Variants in NUP160 observed in about 807,000 individuals in gnomAD.
NUP160 encodes nucleoporin 160.
A neutral mutation model predicts 196.9 loss-of-function variants in NUP160; 94 were observed. That is an observed-to-expected ratio of 0.48 (90% CI 0.40 to 0.57). The LOEUF (loss-of-function observed/expected upper bound fraction) is 0.57. NUP160 is among the 20% of genes least tolerant of loss of function. The pLI is 0.00. For missense variants in NUP160, 1,638 were observed against 1,748.3 expected (o/e 0.94, Z 1.13); for synonymous variants, 605 against 619.7 (o/e 0.98, Z 0.35).
At chr11:47,803,471 T>G in exon 22 of NUP160, 1 of 1,611,708 alleles carries the variant, frequency 6.2e-7, no homozygotes, top group Admixed American at 1.7e-5. Context: ...GGTAACACCT[T>G]CCCAGCATAA....
intron 28 of NUP160, 124 bp downstream of exon 28, chr11:47,792,660 AAT>A: frequency 2.2e-6 from 2 of 899,620 alleles, no homozygotes; most frequent in Non-Finnish European, 3.3e-6. Context: ...TTTTTTCACA[AAT>A]ATCTCAGTAG....
intron 34 of NUP160, among the ~76,000 whole-genome samples, chr11:47,781,982 A>T (rs2097661121): frequency 6.6e-6 from 1 of 152,040 alleles, no homozygotes. Flanking sequence ...TAGCATGATA[A>T]TAAAAAGAAA....
At chr11:47,848,122 A>G in intron 1 of NUP160, 97 bp downstream of exon 1, 1 of 1,419,474 alleles carries the variant, frequency 7.0e-7, no homozygotes, top group Non-Finnish European at 1.0e-6. Flanking sequence ...AGGCATGTGG[A>G]CTCAGGAGGA....
intron 20 of NUP160, 63 bp from the exon 21 acceptor site, chr11:47,804,681 C>A: frequency 9.1e-7 from 1 of 1,104,426 alleles, no homozygotes; most frequent in Non-Finnish European, 1.3e-6. Context: ...ATACATTGGG[C>A]ATCAAATTCA....
rs868710847 is a variant in NUP160 at position 47,786,633 on chromosome 11, T to A, written c.3747-79A>T. ...TAATTTGATACTAAAACTAGAGAGA[T>A]AGATGACAACTTCATCTCTAGTCTT... On this transcript the variant is annotated intron_variant, in intron 31 of 35. Transcript: ENST00000378460. 3.5e-6 allele frequency: 3 copies of A among 854,494 alleles called. No homozygotes were observed. In the Middle Eastern group the frequency reaches 6.6e-4, roughly 188 times the overall value. 52.9% of individuals were successfully genotyped at this position (854,494 alleles called of 1,614,324 possible).
intron 11 of NUP160, among the ~76,000 whole-genome samples, chr11:47,816,496 T>A (rs1050456624): frequency 6.6e-6 from 1 of 152,196 alleles, no homozygotes; most frequent in African/African-American, 2.4e-5. Context: ...CTATGCAAGC[T>A]GGGTGTGGTG....
chr11:47,780,545 T>C (rs2097660098), intron 34 of NUP160, 98 bp from the exon 35 acceptor site: 5 of 595,194 alleles, frequency 8.4e-6, no homozygotes, highest in African/African-American at 5.7e-5. Flanking sequence ...ATACCCTTTT[T>C]TTTTTTTTTT....
At chr11:47,823,566 G>A (rs920772665) in intron 7 of NUP160, among the ~76,000 whole-genome samples, 7 of 151,668 alleles carry the variant, frequency 4.6e-5, no homozygotes, top group Admixed American at 1.3e-4. Context: ...AAGGAGCCTC[G>A]CTCTATCGCC....
chr11:47,792,222 T>C (rs925148634), intron 28 of NUP160: 1 of 437,834 alleles, frequency 2.3e-6, no homozygotes, highest in Non-Finnish European at 4.0e-6. Context: ...AGGGATTTGA[T>C]CTCCATGTAA....
chr11:47,806,089 C>T (rs1387214944), intron 20 of NUP160, 64 bp downstream of exon 20: 1 of 1,488,064 alleles, frequency 6.7e-7, no homozygotes, highest in Non-Finnish European at 9.4e-7. Flanking sequence ...GCTGGGATTA[C>T]AGGTGTGAGC....
chr11:47,836,439 A>G (rs1420905058), intron 6 of NUP160, among the ~76,000 whole-genome samples: 1 of 151,998 alleles, frequency 6.6e-6, no homozygotes, highest in African/African-American at 2.4e-5. Flanking sequence ...AACATGGCAA[A>G]ACCCTGTCTA....
chr11:47,826,560 T>TC (rs11326952), intron 7 of NUP160, among the ~76,000 whole-genome samples: 25,527 of 142,546 alleles, frequency 0.18, 2,400 homozygotes, highest in East Asian at 0.28. Context: ...GAGGTAAAAA[T>TC]CCCCCCCCCC....
chr11:47,847,712 T>TA, intron 2 of NUP160, 136 bp downstream of exon 2: 1 of 618,598 alleles, frequency 1.6e-6, no homozygotes, highest in Admixed American at 2.5e-5. Flanking sequence ...CCGATTCTGA[T>TA]ACGAACTGAA....
chr11:47,817,458 T>C (rs1233058558), intron 11 of NUP160, among the ~76,000 whole-genome samples: 2 of 151,880 alleles, frequency 1.3e-5, no homozygotes, highest in Non-Finnish European at 1.5e-5. Flanking sequence ...TTAATTCTTC[T>C]GCCTCAGCCT....
Position 47,848,352 on chromosome 11 carries a change from A to C in NUP160, c.69T>G (p.Leu23=), listed in dbSNP as rs1276444174. 2 of 1,612,446 alleles carry C rather than the reference A, an allele frequency of 1.2e-6. No individual in the cohort carries two copies. Among genetic ancestry groups the C allele is most frequent in the African/African-American group, 2.7e-5 (2 of 74,926 alleles). ...CGTCGCCGCGACGCCCAACGGAACA[A>C]AGGCAGGGCCGCGCGGTCGCCGTCA... Residue 23 remains leucine (L), a synonymous_variant, in exon 1 of 36, where the codon CTT becomes CTG. Transcript: ENST00000378460.
At chr11:47,837,762 T>C in intron 4 of NUP160, 139 bp from the exon 5 acceptor site, 1 of 619,082 alleles carries the variant, frequency 1.6e-6, no homozygotes, top group South Asian at 2.0e-5. Flanking sequence ...GATGTAACTT[T>C]CCTGCATATA....
chr11:47,797,308 G>A (rs1314488443), intron 27 of NUP160, among the ~76,000 whole-genome samples: 1 of 152,030 alleles, frequency 6.6e-6, no homozygotes, highest in Non-Finnish European at 1.5e-5. Flanking sequence ...TTGGCTCACT[G>A]TAACCTCCGC....
In NUP160 at chr11:47,839,824, G is replaced by C. The variant is rs759202161; in HGVS notation, c.748+19C>G. The C allele has an allele frequency of 1.3e-6, 2 of 1,575,688 alleles. No individual in the cohort carries two copies. Among genetic ancestry groups the C allele is most frequent in the South Asian group, 2.2e-5 (2 of 90,274 alleles). ...ATTCCTTGTTTAAAGTTAAATCCAT[G>C]CTCAGTTCCCATTCTTACCAGGTAT... On this transcript the variant is annotated intron_variant, in intron 4 of 35. Coordinates refer to ENST00000378460, the Ensembl canonical transcript of NUP160.
rs1453013313 is a variant in NUP160, at chr11:47,807,127, G to A, written c.2389C>T (p.Gln797Ter). 1 of 1,610,552 alleles carries A rather than the reference G, an allele frequency of 6.2e-7. No homozygotes were observed. The highest frequency in any genetic ancestry group is 1.7e-5 in the Admixed American group (1 of 59,922). The stretch of plus-strand genomic sequence containing the variant: ...GTTAATTCCAGTACTGATAAGTGTT[G>A]GAGATTAGACTCCCTGTGAGAAAAG... Residue 797 changes from glutamine to a stop codon, truncating the protein, a stop_gained, in exon 19 of 36, where the codon CAA becomes TAA. Transcript: ENST00000378460. LOFTEE classifies it high-confidence loss of function.
Sources: gnomAD v4.1 joint callset for allele counts (sites outside exome capture counted in the v4.1 genomes callset) on GRCh38, gnomAD v4.1.1 for gene constraint, MANE v1.5 for transcripts, NCBI Gene and HGNC (gene_info 2026-07-23, HGNC 2026-07-21) for gene names.